Variants in SLC16A6 observed in about 807,000 individuals in gnomAD.
SLC16A6 encodes the protein monocarboxylate transporter 7.
SLC16A6 carries 15 observed loss-of-function variants against 33.8 expected under a neutral mutation model. The observed-to-expected ratio is 0.44, with a 90% CI of 0.30 to 0.68. The LOEUF (loss-of-function observed/expected upper bound fraction) is 0.68, where lower values mean the gene tolerates loss of function less well. Ranked by LOEUF, SLC16A6 falls within the 30% of genes least tolerant of loss-of-function variation. The probability of loss-of-function intolerance (pLI) is 0.10; values close to 1 mark genes in which losing one functional copy is unlikely to be tolerated. For synonymous variants in SLC16A6, 219 were observed against 248.4 expected (o/e 0.88, Z 1.11); for missense variants, 451 against 661.5 (o/e 0.68, Z 3.49).
At chr17:68,276,095 C>T (rs1555750802) in intron 2 of SLC16A6, among the ~76,000 whole-genome samples, 1 of 152,000 alleles carries the variant, frequency 6.6e-6, no homozygotes, top group Non-Finnish European at 1.5e-5. Context: ...TTCTCTCTCT[C>T]TCTTTTTTTA....
rs879950263 is a variant in SLC16A6 at position 68,268,901 on chromosome 17, CAA to C, written c.*193_*194del. Reference sequence around the variant, plus strand: ...TTTTTGTTTTGGCTTTAAAAACAAGCAAAAAAAAAAAGCTTAAAACAAAACAA... The same window carrying C: ...TTTTTGTTTTGGCTTTAAAAACAAGCAAAAAAAAAGCTTAAAACAAAACAA... On this transcript the variant is annotated 3_prime_UTR_variant, in exon 6 of 6. Coordinates refer to ENST00000580666, the MANE Select transcript of SLC16A6 (RefSeq NM_004694.5). 448 of 999,080 alleles carry C rather than the reference CAA, an allele frequency of 4.5e-4. No homozygotes were observed. Among genetic ancestry groups the C allele is most frequent in the East Asian group, 8.8e-4 (27 of 30,782 alleles). The allele number at this position is 999,080 out of a possible 1,614,324, so 61.9% of individuals were successfully genotyped here.
intron 1 of SLC16A6, among the ~76,000 whole-genome samples, chr17:68,284,802 A>G (rs781889706): frequency 3.9e-5 from 6 of 152,220 alleles, no homozygotes; most frequent in Non-Finnish European, 8.8e-5. Flanking sequence ...GATTAAAATA[A>G]GGCATAAGAT....
chr17:68,270,296 C>A (rs1298193239), intron 5 of SLC16A6, among the ~76,000 whole-genome samples: 1 of 152,124 alleles, frequency 6.6e-6, no homozygotes, highest in Admixed American at 6.5e-5. Flanking sequence ...TGGCTCACAC[C>A]TGTAATCCTA....
rs1555748706 is a variant in SLC16A6, at chr17:68,271,487, T to C, written c.673A>G (p.Met225Val). 2.5e-6 allele frequency: 4 copies of C among 1,614,178 alleles called. No individual in the cohort carries two copies. The highest frequency in any genetic ancestry group is 1.7e-6 in the Non-Finnish European group (2 of 1,180,028). ...GTTCGTGTTTTCTCATTTTCAAGCA[T>C]ATACTGCGCTTCTTTCCGATTTTCC... is the stretch of plus-strand genomic sequence containing the variant. ...IQENRKEAQYMLENEKTRTSI... is the reference protein window; with the variant it reads ...IQENRKEAQYVLENEKTRTSI... Residue 225 changes from methionine to valine, a missense_variant, in exon 5 of 6, where the codon ATG becomes GTG. Physicochemically the swap from Met to Val is conservative, Grantham distance 21. Transcript: ENST00000580666. The surrounding 1 kb of genome is among the most constrained non-coding windows in gnomAD (Gnocchi z 5.3).
At position 68,278,119 on chromosome 17, in the gene SLC16A6, A is replaced by G; in HGVS notation, c.202T>C (p.Ser68Pro). ...AATGTTAAGACAAACACACAGATTG[A>G]GATTATCCATGAGATCCTGCTATTG... ...ESNSRISWIISICVFVLTFSA... is the reference protein window; with the variant it reads ...ESNSRISWIIPICVFVLTFSA... The change falls in exon 2 of 6, where the codon TCA becomes CCA. Residue 68 changes from serine (S) to proline (P), a missense_variant. Around this residue, in one of 2 missense-constraint regions of SLC16A6, gnomAD observed 405 missense variants for 510.7 expected, o/e 0.79. Coordinates refer to ENST00000580666, the MANE Select transcript of SLC16A6 (RefSeq NM_004694.5). 6.2e-7 allele frequency: 1 copy of G among 1,613,896 alleles called. No homozygotes were observed. The highest frequency in any genetic ancestry group is 8.5e-7 in the Non-Finnish European group (1 of 1,179,790).
intron 1 of SLC16A6, chr17:68,283,093 C>T (rs1454962367): frequency 5.3e-5 from 8 of 152,090 alleles, no homozygotes; most frequent in African/African-American, 1.7e-4. Context: ...CACTACTGCA[C>T]TCTTGCCTGA....
intron 1 of SLC16A6, among the ~76,000 whole-genome samples, chr17:68,279,736 C>T (rs1555752138): frequency 6.6e-6 from 1 of 152,160 alleles, no homozygotes; most frequent in Non-Finnish European, 1.5e-5. Flanking sequence ...TGGGCTCTAG[C>T]ACATGAATAC....
intron 1 of SLC16A6, among the ~76,000 whole-genome samples, chr17:68,287,953 TTCTCTCTCTC>T (rs150311794): frequency 6.8e-6 from 1 of 146,150 alleles, no homozygotes; most frequent in African/African-American, 2.5e-5. Flanking sequence ...CTCTCTCTCT[TTCTCTCTCTC>T]TCTCTCTCCC....
chr17:68,270,636 A>G (rs1599490258), intron 5 of SLC16A6, among the ~76,000 whole-genome samples: 1 of 151,732 alleles, frequency 6.6e-6, no homozygotes, highest in Non-Finnish European at 1.5e-5. Context: ...TTACCATCTG[A>G]CCTTTAGCTT....
In SLC16A6 at chr17:68,267,869, T is replaced by C. The variant is rs1246806134; in HGVS notation, c.*1227A>G. The C allele has an allele frequency of 4.6e-5, 7 of 152,256 alleles. No homozygotes were observed. The highest frequency in any genetic ancestry group is 1.3e-4 in the Admixed American group (2 of 15,282). The allele number at this position is 152,256 out of a possible 1,614,324, so 9.4% of individuals were successfully genotyped here. A position where few individuals can be genotyped will look rare whatever the true frequency, so the allele number is the denominator to read the frequency against. ...ATGTAAATTGCAACTTGTAACTCGC[T>C]ATAACATAATTGTCTCTGTTACCCC... On this transcript the variant is annotated 3_prime_UTR_variant, in exon 6 of 6. Coordinates refer to ENST00000580666, the MANE Select transcript of SLC16A6 (RefSeq NM_004694.5).
In SLC16A6 at chr17:68,269,249, C is replaced by T. The variant is rs539141129; in HGVS notation, c.1419G>A (p.Pro473=). The change falls in exon 6 of 6, where the codon CCG becomes CCA. Residue 473 remains proline (P), a synonymous_variant. Coordinates refer to ENST00000580666, the MANE Select transcript of SLC16A6 (RefSeq NM_004694.5). ...GATGCTGGCACAGTCCCATCTTACA[C>T]GGTCTCACCAGGGCGAGGCACACAG... The part of the protein sequence containing the change: ...LAAVCLALVR[P]CKMGLCQHHH... The T allele has an allele frequency of 2.3e-5, 35 of 1,507,572 alleles. No individual in the cohort carries two copies. Among genetic ancestry groups the T allele is most frequent in the South Asian group, 9.7e-5 (8 of 82,734 alleles). 93.4% of individuals were successfully genotyped at this position (1,507,572 alleles called of 1,614,324 possible).
chr17:68,282,415 A>G (rs1461646761), intron 1 of SLC16A6, among the ~76,000 whole-genome samples: 2 of 151,902 alleles, frequency 1.3e-5, no homozygotes, highest in African/African-American at 4.8e-5. Flanking sequence ...TGACGAGTTA[A>G]TGGGTGCAGC....
intron 1 of SLC16A6, among the ~76,000 whole-genome samples, chr17:68,281,343 T>A (rs1191387317): frequency 6.6e-6 from 1 of 151,676 alleles, no homozygotes; most frequent in Non-Finnish European, 1.5e-5. Flanking sequence ...CTGAGGCAGG[T>A]GGATCATGAG....
At chr17:68,273,153 CTGTG>C (rs1406066145) in intron 3 of SLC16A6, among the ~76,000 whole-genome samples, 1 of 151,816 alleles carries the variant, frequency 6.6e-6, no homozygotes, top group Non-Finnish European at 1.5e-5. Flanking sequence ...ATCTTAACAA[CTGTG>C]TGTGTATCTA....
Position 68,271,445 on chromosome 17 carries a change from C to T in SLC16A6, c.715G>A (p.Asp239Asn), listed in dbSNP as rs1555748679. ...EKTRTSIDSI[D>N]SGVELTTSPK... ...GAGGTAGTTAGTTCTACTCCTGAGT[C>T]AATGGAGTCTATTGAGGTTCGTGTT... The change falls in exon 5 of 6, where the codon GAC (aspartate) becomes AAC (asparagine). Residue 239 changes from aspartate (D) to asparagine (N), a missense_variant. Around this residue, in one of 2 missense-constraint regions of SLC16A6, gnomAD observed 405 missense variants for 510.7 expected, o/e 0.79. Coordinates refer to ENST00000580666, the MANE Select transcript of SLC16A6 (RefSeq NM_004694.5). This position sits in a 1 kb window ranked among gnomAD's most constrained non-coding sequence, Gnocchi z 5.3. 1 of 1,614,120 alleles carries T rather than the reference C, an allele frequency of 6.2e-7. No individual in the cohort carries two copies. Among genetic ancestry groups the T allele is most frequent in the Non-Finnish European group, 8.5e-7 (1 of 1,180,034 alleles).
chr17:68,277,433 A>G (rs1468195515), intron 2 of SLC16A6, among the ~76,000 whole-genome samples: 2 of 149,500 alleles, frequency 1.3e-5, no homozygotes, highest in South Asian at 4.3e-4. Context: ...CCCGGCCGCA[A>G]CTTTTTTCTT....
chr17:68,286,226 C>T (rs892793729), intron 1 of SLC16A6, among the ~76,000 whole-genome samples: 6 of 152,192 alleles, frequency 3.9e-5, no homozygotes, highest in Admixed American at 2.6e-4. Flanking sequence ...CTGCCCCTTT[C>T]CTCTCTTCCC....
upstream of SLC16A6, chr17:68,291,212 C>A (rs1266148349): frequency 1.3e-5 from 2 of 151,818 alleles, no homozygotes; most frequent in Non-Finnish European, 2.9e-5. Context: ...GGGCCCGACT[C>A]TAGCGCAAGT....
intron 1 of SLC16A6, among the ~76,000 whole-genome samples, chr17:68,289,017 T>C (rs1365749166): frequency 6.6e-6 from 1 of 152,142 alleles, no homozygotes; most frequent in Non-Finnish European, 1.5e-5. Flanking sequence ...GTTTGGAGGA[T>C]TTCCTAGTAG....
Sources: gnomAD v4.1 joint callset for allele counts (sites outside exome capture counted in the v4.1 genomes callset) on GRCh38, gnomAD v4.1.1 for gene constraint, gnomAD v4.1.1 regional missense constraint, Gnocchi (gnomAD v3.1) non-coding constraint, MANE v1.5 for transcripts, NCBI Gene and HGNC (gene_info 2026-07-23, HGNC 2026-07-21) for gene names.